NCOR1: variants seen among roughly 807,000 people sequenced by gnomAD.
The protein encoded by NCOR1 is nuclear receptor corepressor 1, also known as protein phosphatase 1, regulatory subunit 109.
In NCOR1, 63 loss-of-function variants were observed where a neutral mutation model predicts 288.1. That is an observed-to-expected ratio of 0.22 (90% confidence interval 0.18 to 0.27). The LOEUF (loss-of-function observed/expected upper bound fraction) is 0.27. Ranked by LOEUF, NCOR1 falls within the 10% of genes least tolerant of loss-of-function variation. The probability of loss-of-function intolerance (pLI) is 1.00; values close to 1 mark genes in which losing one functional copy is unlikely to be tolerated. For synonymous variants in NCOR1, 1,007 were observed against 1,065.9 expected (o/e 0.94, Z 1.08); for missense variants, 2,397 against 3,019.2 (o/e 0.79, Z 4.83).
chr17:16,092,134 C>T, intron 21 of NCOR1, 76 bp from the exon 22 acceptor site: 2 of 1,479,740 alleles, frequency 1.4e-6, no homozygotes, highest in East Asian at 2.3e-5. Flanking sequence ...TAATGTAATG[C>T]TTATTTCTGT....
chr17:16,034,715 A>AT, intron 45 of NCOR1, 50 bp downstream of exon 45: 6 of 1,474,064 alleles, frequency 4.1e-6, no homozygotes, highest in Non-Finnish European at 5.6e-6. Context: ...TAACCAAGAC[A>AT]TTGATATTAT....
intron 21 of NCOR1, among the ~76,000 whole-genome samples, chr17:16,093,235 G>A (rs2065734308): frequency 6.6e-6 from 1 of 152,190 alleles, no homozygotes; most frequent in African/African-American, 2.4e-5. Flanking sequence ...AACCCCAGGT[G>A]CTTCAGCCAG....
At chr17:16,053,509 G>A (rs962860551) in intron 40 of NCOR1, among the ~76,000 whole-genome samples, 6 of 151,942 alleles carry the variant, frequency 3.9e-5, no homozygotes, top group Admixed American at 6.6e-5. Flanking sequence ...TCTACAAGGG[G>A]AACTACAAAA....
chr17:16,199,216 A>AACACAC lies in NCOR1; in HGVS notation c.-70-4583_-70-4578dup, dbSNP rs148297225. Among the ~76,000 whole-genome samples the AACACAC allele has an allele frequency of 6.9e-3, 838 of 122,302 alleles. 4 individuals are homozygous for AACACAC. The highest frequency in any genetic ancestry group is 0.012 in the South Asian group (45 of 3,758). 80.2% of individuals were successfully genotyped at this position (122,302 alleles called of 152,430 possible). A position where few individuals can be genotyped will look rare whatever the true frequency, so the allele number is the denominator to read the frequency against. On this transcript the variant is annotated intron_variant, in intron 1 of 45. Coordinates refer to ENST00000268712, the MANE Select transcript of NCOR1 (RefSeq NM_006311.4). ...CCCAATACAGAAGGAAAAAAAAAAA[A>AACACAC]ACACACACACACACACACACACACA... is the stretch of plus-strand genomic sequence containing the variant.
At chr17:16,169,259 G>A (rs1218334010) in intron 4 of NCOR1, among the ~76,000 whole-genome samples, 2 of 151,212 alleles carry the variant, frequency 1.3e-5, no homozygotes, top group African/African-American at 2.4e-5. Context: ...TCCACAAGGA[G>A]CAGCAAAAAA....
At chr17:16,180,836 T>C (rs1053482610) in intron 3 of NCOR1, among the ~76,000 whole-genome samples, 1 of 151,712 alleles carries the variant, frequency 6.6e-6, no homozygotes, top group Middle Eastern at 3.2e-3. Flanking sequence ...AGAAACAACC[T>C]AGATGCCCAC....
chr17:16,155,048 C>T (rs1046039621), intron 6 of NCOR1, among the ~76,000 whole-genome samples: 1 of 152,066 alleles, frequency 6.6e-6, no homozygotes, highest in African/African-American at 2.4e-5. Flanking sequence ...TCTTGCAAAT[C>T]AACCCGTCAA....
chr17:16,044,789 G>C (rs1597774142), intron 42 of NCOR1: 3 of 1,103,036 alleles, frequency 2.7e-6, no homozygotes, highest in East Asian at 4.8e-5. Context: ...TGTCAACATT[G>C]GGAGCCTCAT....
intron 14 of NCOR1, among the ~76,000 whole-genome samples, chr17:16,128,345 A>C (rs1315467129): frequency 1.3e-5 from 2 of 152,174 alleles, no homozygotes; most frequent in African/African-American, 4.8e-5. Flanking sequence ...TGATTTCCAC[A>C]GAGGAACTCT....
In NCOR1 at chr17:16,055,843, G is replaced by A. The variant is rs190131518; in HGVS notation, c.6392+1671C>T. On this transcript the variant is annotated intron_variant, in intron 40 of 45. Transcript: ENST00000268712. The stretch of plus-strand genomic sequence containing the variant: ...TTTTTTGGTTTTGTTTTGGCTGAAA[G>A]GGAATAAATGTGCTTTCATCTTATC... Among the ~76,000 whole-genome samples the A allele has an allele frequency of 3.3e-5, 5 of 152,156 alleles. No homozygotes were observed. In the East Asian group the frequency reaches 9.6e-4, roughly 29 times the overall value.
intron 4 of NCOR1, among the ~76,000 whole-genome samples, chr17:16,166,532 T>C (rs926965667): frequency 7.9e-5 from 12 of 151,954 alleles, no homozygotes; most frequent in Admixed American, 6.6e-4. Flanking sequence ...ATACAAAAAT[T>C]AGCTGGGCGT....
chr17:16,073,681 C>A, intron 27 of NCOR1, 112 bp from the exon 28 acceptor site: 1 of 879,258 alleles, frequency 1.1e-6, no homozygotes, highest in South Asian at 4.5e-5. Flanking sequence ...TAAAACTTGT[C>A]TTAACCTACA....
At position 16,186,593 on chromosome 17, in the gene NCOR1, C is replaced by T. The variant is rs2153527091; in HGVS notation, c.203G>A (p.Arg68Gln). Residue 68 changes from arginine to glutamine, a missense_variant, in exon 3 of 46, where the codon CGA becomes CAA. By Grantham distance (43) the Arg-to-Gln change is conservative. Around this residue, in one of 11 missense-constraint regions of NCOR1, gnomAD observed 4 missense variants for 21.6 expected, o/e 0.19. Coordinates refer to ENST00000268712, the MANE Select transcript of NCOR1 (RefSeq NM_006311.4). ...GTGAAATTCTGAAAGCAAGGAAGGTCGCCTTCGAAGCTGTTGCTGCTGCTG... is the reference window on the plus strand; with the variant it reads ...GTGAAATTCTGAAAGCAAGGAAGGTTGCCTTCGAAGCTGTTGCTGCTGCTG... ...QQQQQQQLRR[R>Q]PSLLSEFHPG... 6.2e-7 allele frequency: 1 copy of T among 1,614,050 alleles called. No homozygotes were observed. Among genetic ancestry groups the T allele is most frequent in the Non-Finnish European group, 8.5e-7 (1 of 1,179,970 alleles).
chr17:16,051,872 T>C lies in NCOR1; in HGVS notation c.6393-2884A>G, dbSNP rs186014490. Reference sequence around the variant, plus strand: ...GTTGTGGTGAGCTGAGATCGCGCCATTGCATTCCAGCCTGAACAACAAGAG... The same window carrying C: ...GTTGTGGTGAGCTGAGATCGCGCCACTGCATTCCAGCCTGAACAACAAGAG... On this transcript the variant is annotated intron_variant, in intron 40 of 45. Transcript: ENST00000268712. Among the ~76,000 whole-genome samples, 1,206 of 152,054 alleles carry C rather than the reference T, an allele frequency of 7.9e-3. 9 individuals carry two copies. Among genetic ancestry groups the C allele is most frequent in the Non-Finnish European group, 0.013 (890 of 67,962 alleles).
At position 16,186,630 on chromosome 17, in the gene NCOR1, G is replaced by A. The variant is rs765835833; in HGVS notation, c.166C>T (p.Leu56Phe). 6.2e-7 allele frequency: 1 copy of A among 1,614,104 alleles called. No individual in the cohort carries two copies. The highest frequency in any genetic ancestry group is 1.7e-5 in the Admixed American group (1 of 60,012). The change falls in exon 3 of 46, where the codon CTT becomes TTT. Residue 56 changes from leucine to phenylalanine, a missense_variant. This residue lies in a region of NCOR1 where 55 missense variants were observed against 69.6 expected (regional missense o/e 0.79). Coordinates refer to ENST00000268712, the MANE Select transcript of NCOR1 (RefSeq NM_006311.4). ...TGTTGCTGCTGCTGTTGCTGCAAAAGCTGTGATGCCTGACTCACTTCAAGA... is the reference window on the plus strand; with the variant it reads ...TGTTGCTGCTGCTGTTGCTGCAAAAACTGTGATGCCTGACTCACTTCAAGA... ...SHLEVSQASQ[L>F]LQQQQQQQLR...
intron 14 of NCOR1, among the ~76,000 whole-genome samples, chr17:16,136,818 A>AG (rs1489731994): frequency 7.3e-6 from 1 of 136,184 alleles, no homozygotes; most frequent in Non-Finnish European, 1.7e-5. Context: ...AAAAAAAAAA[A>AG]AAAAAAAAAA....
chr17:16,113,123 G>C (rs938429232), intron 18 of NCOR1, among the ~76,000 whole-genome samples: 1 of 151,724 alleles, frequency 6.6e-6, no homozygotes, highest in Non-Finnish European at 1.5e-5. Context: ...CACCATGTTA[G>C]CCAGGATGGT....
At chr17:16,055,480 C>T (rs774045104) in intron 40 of NCOR1, among the ~76,000 whole-genome samples, 32 of 152,256 alleles carry the variant, frequency 2.1e-4, no homozygotes, top group Admixed American at 9.8e-4. Context: ...ATGGTGAGAA[C>T]ACACGGACAC....
chr17:16,055,477 G>C (rs1046442241), intron 40 of NCOR1, among the ~76,000 whole-genome samples: 5 of 152,170 alleles, frequency 3.3e-5, no homozygotes, highest in African/African-American at 1.2e-4. Context: ...TAAATGGTGA[G>C]AACACACGGA....
Sources: allele counts gnomAD v4.1 joint callset (sites outside exome capture counted in the v4.1 genomes callset), GRCh38; gene constraint gnomAD v4.1.1; regional missense constraint gnomAD v4.1.1; transcripts MANE v1.5; gene names NCBI Gene and HGNC (gene_info 2026-07-23, HGNC 2026-07-21).